ADRA1A: variants seen among roughly 807,000 people sequenced by gnomAD.
ADRA1A encodes the protein alpha-1A adrenergic receptor.
A neutral mutation model predicts 29.6 loss-of-function variants in ADRA1A; 31 were observed. The observed-to-expected ratio is 1.05, with a 90% confidence interval of 0.79 to 1.41. The LOEUF is 1.41. Among genes scored for constraint, ADRA1A ranks in the 40% most tolerant of loss-of-function variants. ADRA1A has a pLI of 0.00. For synonymous variants in ADRA1A, 311 were observed against 254.3 expected, an observed-to-expected ratio of 1.22 and a Z score of -2.12; for missense variants, 619 against 601.1, an observed-to-expected ratio of 1.03 and a Z score of -0.31.
At chr8:26,803,403 A>G (rs966578881) in intron 2 of ADRA1A, among the ~76,000 whole-genome samples, 1 of 152,216 alleles carries the variant, frequency 6.6e-6, no homozygotes, top group African/African-American at 2.4e-5. Flanking sequence ...TGACTCTTGA[A>G]CTATACTTAT....
downstream of ADRA1A, among the ~76,000 whole-genome samples, chr8:26,754,998 G>A (rs1805090522): frequency 6.6e-6 from 1 of 151,948 alleles, no homozygotes; most frequent in Non-Finnish European, 1.5e-5. Context: ...TGTTGTTGTT[G>A]GAAAAACTTG....
intron 2 of ADRA1A, among the ~76,000 whole-genome samples, chr8:26,750,304 C>CCT (rs1332024184): frequency 1.1e-4 from 17 of 152,060 alleles, no homozygotes; most frequent in Admixed American, 1.1e-3. Context: ...TGGGTTCAAG[C>CCT]CATTCCCCTG....
chr8:26,752,783 C>T (rs1365662479), downstream of ADRA1A, among the ~76,000 whole-genome samples: 3 of 152,152 alleles, frequency 2.0e-5, no homozygotes, highest in East Asian at 5.8e-4. Context: ...GCCACAAAAA[C>T]CCCCTAGCAA....
At chr8:26,766,753 C>G (rs1462795572), downstream of ADRA1A, among the ~76,000 whole-genome samples, 1 of 152,026 alleles carries the variant, frequency 6.6e-6, no homozygotes, top group Non-Finnish European at 1.5e-5. Context: ...TAACCTCTTA[C>G]AATGATCAGA....
chr8:26,865,108 A>AGC lies in ADRA1A; in HGVS notation c.-141_-140dup. On this transcript the variant is annotated 5_prime_UTR_variant, in exon 2 of 3. The change abolishes the stop of an existing upstream ORF in the 5' untranslated region. Transcript: ENST00000380573. This position sits in a 1 kb window ranked among gnomAD's most constrained non-coding sequence, Gnocchi z 7.6. Reference sequence around the variant, plus strand: ...CCAGGTGGGTTTGGCTGGGGGTGAGAGCGCGCGCGCGGGTGGGAAACAACC... The same window carrying AGC: ...CCAGGTGGGTTTGGCTGGGGGTGAGAGCGCGCGCGCGCGGGTGGGAAACAACC... 1 of 1,484,704 alleles carries AGC rather than the reference A, an allele frequency of 6.7e-7. No homozygotes were observed. The highest frequency in any genetic ancestry group is 8.9e-7 in the Non-Finnish European group (1 of 1,127,518). The allele number at this position is 1,484,704 out of a possible 1,614,324, so 92.0% of individuals were successfully genotyped here. A position where few individuals can be genotyped will look rare whatever the true frequency, so the allele number is the denominator to read the frequency against.
At chr8:26,855,623 A>G (rs567123251) in intron 2 of ADRA1A, among the ~76,000 whole-genome samples, 1 of 152,302 alleles carries the variant, frequency 6.6e-6, no homozygotes, top group Admixed American at 6.5e-5. Context: ...ACAAATACCT[A>G]ATGCATGCCA....
intron 2 of ADRA1A, among the ~76,000 whole-genome samples, 177 bp downstream of exon 2, chr8:26,863,910 G>A (rs1273825299): frequency 1.3e-5 from 2 of 152,222 alleles, no homozygotes; most frequent in Non-Finnish European, 2.9e-5. Context: ...TGAGACTGGA[G>A]TAGAAAGAGA....
At chr8:26,759,581 C>A (rs374073038) in intron 2 of ADRA1A, among the ~76,000 whole-genome samples, 146 of 152,260 alleles carry the variant, frequency 9.6e-4, no homozygotes, top group African/African-American at 3.3e-3. Flanking sequence ...TCTTTACAAC[C>A]ACTGTCACCT....
chr8:26,835,092 C>T (rs1811249041), intron 2 of ADRA1A, among the ~76,000 whole-genome samples: 1 of 152,152 alleles, frequency 6.6e-6, no homozygotes, highest in Non-Finnish European at 1.5e-5. Flanking sequence ...TGTCATGTTG[C>T]CGTATATGTC....
intron 2 of ADRA1A, chr8:26,756,935 G>T: frequency 8.5e-7 from 1 of 1,177,524 alleles, no homozygotes; most frequent in South Asian, 1.5e-5. Flanking sequence ...GACTTCAGTA[G>T]AGCGGGTTCT....
chr8:26,838,594 A>C (rs1250610231), intron 2 of ADRA1A, among the ~76,000 whole-genome samples: 1 of 152,218 alleles, frequency 6.6e-6, no homozygotes, highest in Non-Finnish European at 1.5e-5. Flanking sequence ...CAAGATGATC[A>C]CCTAAGCCAC....
intron 2 of ADRA1A, among the ~76,000 whole-genome samples, chr8:26,814,036 A>T (rs1809599057): frequency 6.6e-6 from 1 of 152,188 alleles, no homozygotes; most frequent in Non-Finnish European, 1.5e-5. Flanking sequence ...CAATATTTTT[A>T]AAATAATGAG....
intron 2 of ADRA1A, among the ~76,000 whole-genome samples, chr8:26,780,802 C>T (rs1016137762): frequency 2.0e-5 from 3 of 152,166 alleles, no homozygotes; most frequent in Non-Finnish European, 4.4e-5. Context: ...CCAATAGGAG[C>T]ACCAACCCTA....
chr8:26,847,300 G>C (rs889647487), intron 2 of ADRA1A, among the ~76,000 whole-genome samples: 1 of 152,066 alleles, frequency 6.6e-6, no homozygotes, highest in Non-Finnish European at 1.5e-5. Context: ...AACGTCTCCA[G>C]ACCTTGCCAA....
At chr8:26,807,893 T>C (rs1216820759) in intron 2 of ADRA1A, among the ~76,000 whole-genome samples, 1 of 152,102 alleles carries the variant, frequency 6.6e-6, no homozygotes, top group African/African-American at 2.4e-5. Flanking sequence ...CCTCACAATG[T>C]GGCTCCCTCT....
Position 26,825,326 on chromosome 8 carries a change from T to C in ADRA1A, c.883+38761A>G, listed in dbSNP as rs1810476632. ...CTTTTCTTTTCTTCTCTCTTCTTCCTGCCTTTAACCATTCTTCCATGAAAC... is the reference window on the plus strand; with the variant it reads ...CTTTTCTTTTCTTCTCTCTTCTTCCCGCCTTTAACCATTCTTCCATGAAAC... On this transcript the variant is annotated intron_variant, in intron 2 of 2. Coordinates refer to ENST00000380573, the MANE Select transcript of ADRA1A (RefSeq NM_000680.4). The surrounding 1 kb of genome is among the most constrained non-coding windows in gnomAD (Gnocchi z 5.7). Among the ~76,000 whole-genome samples, 1 of 149,220 alleles carries C rather than the reference T, an allele frequency of 6.7e-6. No individual in the cohort carries two copies. The highest frequency in any genetic ancestry group is 2.4e-5 in the African/African-American group (1 of 40,956).
At chr8:26,826,998 C>T (rs892229904) in intron 2 of ADRA1A, among the ~76,000 whole-genome samples, 16 of 152,166 alleles carry the variant, frequency 1.1e-4, no homozygotes, top group African/African-American at 3.1e-4. Flanking sequence ...TGATTGTGCC[C>T]GTTCTGCAAA....
chr8:26,842,817 C>T (rs890796433), intron 2 of ADRA1A, among the ~76,000 whole-genome samples: 2 of 151,550 alleles, frequency 1.3e-5, no homozygotes, highest in Non-Finnish European at 2.9e-5. Context: ...ATAATATTGT[C>T]CCACCAAGTC....
chr8:26,861,251 T>G (rs1201577600), intron 2 of ADRA1A, among the ~76,000 whole-genome samples: 1 of 151,894 alleles, frequency 6.6e-6, no homozygotes, highest in Non-Finnish European at 1.5e-5. Flanking sequence ...CTTTGCAATC[T>G]TGTTTGCTGG....
Sources: gnomAD v4.1 joint callset for allele counts (sites outside exome capture counted in the v4.1 genomes callset) on GRCh38, gnomAD v4.1.1 for gene constraint, Gnocchi (gnomAD v3.1) non-coding constraint, MANE v1.5 for transcripts, NCBI Gene and HGNC (gene_info 2026-07-23, HGNC 2026-07-21) for gene names.